The following TRAPPC9 variants were observed in gnomAD, a reference collection of about 807,000 sequenced individuals.
The protein encoded by TRAPPC9 is trafficking protein particle complex subunit 9.
In TRAPPC9, 83 loss-of-function variants were observed where a neutral mutation model predicts 124.0. The ratio of observed to expected loss-of-function variants is 0.67; its 90% CI spans 0.56 to 0.80. The LOEUF is 0.80. TRAPPC9 is among the 30% of genes least tolerant of loss of function. The probability of loss-of-function intolerance (pLI) is 0.00; values close to 1 mark genes in which losing one functional copy is unlikely to be tolerated. For synonymous variants in TRAPPC9, 638 were observed against 617.5 expected, an observed-to-expected ratio of 1.03 and a Z score of -0.49; for missense variants, 1,302 against 1,508.3, an observed-to-expected ratio of 0.86 and a Z score of 2.27.
intron 17 of TRAPPC9, among the ~76,000 whole-genome samples, chr8:140,161,994 C>T (rs1365667945): frequency 6.6e-6 from 1 of 152,152 alleles, no homozygotes; most frequent in Non-Finnish European, 1.5e-5. Context: ...AGCTGTCTTT[C>T]CCTGAAGGTG....
chr8:139,746,089 T>A (rs1448331644), intron 21 of TRAPPC9, among the ~76,000 whole-genome samples: 1 of 152,222 alleles, frequency 6.6e-6, no homozygotes, highest in Non-Finnish European at 1.5e-5. Context: ...TCTGCTGCCA[T>A]CCACAGTGCC....
intron 19 of TRAPPC9, chr8:139,933,992 C>T (rs181183493): frequency 2.6e-5 from 4 of 152,324 alleles, no homozygotes; most frequent in Admixed American, 2.6e-4. Flanking sequence ...TATAAACCTA[C>T]ATGATCGTAA....
At chr8:139,763,665 T>TGCACGCACGCGTGCACACACAC (rs1427718605) in intron 21 of TRAPPC9, among the ~76,000 whole-genome samples, 1 of 151,906 alleles carries the variant, frequency 6.6e-6, no homozygotes, top group African/African-American at 2.4e-5. Flanking sequence ...TGCACACACA[T>TGCACGCACGCGTGCACACACAC]GCACGCACGC....
Position 140,259,341 on chromosome 8 carries a change from G to A in TRAPPC9, c.2279-6412C>T, listed in dbSNP as rs372334269. On this transcript the variant is annotated intron_variant, in intron 15 of 22. Transcript: ENST00000438773. Reference sequence around the variant, plus strand: ...CACGCCTCTAGTGGAACACCATCCAGGTACCAAGCAGCTCATTCTTCCACC... The same window carrying A: ...CACGCCTCTAGTGGAACACCATCCAAGTACCAAGCAGCTCATTCTTCCACC... Among the ~76,000 whole-genome samples, 19 of 152,260 alleles carry A rather than the reference G, an allele frequency of 1.2e-4. No homozygotes were observed. The East Asian group carries it at 2.7e-3, about 22-fold the overall frequency.
At chr8:139,845,493 G>A (rs1445525263) in intron 21 of TRAPPC9, among the ~76,000 whole-genome samples, 2 of 152,244 alleles carry the variant, frequency 1.3e-5, no homozygotes, top group Admixed American at 6.5e-5. Context: ...TATTAATGGA[G>A]CCCGTACTTC....
At chr8:139,819,052 C>T (rs1369903428) in intron 21 of TRAPPC9, among the ~76,000 whole-genome samples, 5 of 152,114 alleles carry the variant, frequency 3.3e-5, no homozygotes, top group Admixed American at 3.3e-4. Context: ...GCGGGTGAAG[C>T]TTCATCTGTA....
At chr8:139,966,676 A>T (rs1835727703) in intron 19 of TRAPPC9, among the ~76,000 whole-genome samples, 1 of 152,224 alleles carries the variant, frequency 6.6e-6, no homozygotes, top group African/African-American at 2.4e-5. Context: ...TCTCAAGAGC[A>T]GGGAGAGAGC....
intron 21 of TRAPPC9, among the ~76,000 whole-genome samples, chr8:139,773,853 A>C (rs1821156072): frequency 6.6e-6 from 1 of 152,246 alleles, no homozygotes; most frequent in African/African-American, 2.4e-5. Flanking sequence ...AGAAAATTAA[A>C]ATGTCTAAAA....
intron 17 of TRAPPC9, among the ~76,000 whole-genome samples, chr8:140,082,951 T>G (rs1246910956): frequency 6.6e-6 from 1 of 152,144 alleles, no homozygotes; most frequent in East Asian, 1.9e-4. Context: ...TCCCAGCACT[T>G]TGGGTGGCCG....
chr8:139,951,032 C>T lies in TRAPPC9; in HGVS notation c.2810+37694G>A, dbSNP rs139011220. Reference sequence around the variant, plus strand: ...TGCTCACGGCTTGGAGTCAGCCAGACCCAGGCGCGCACATCCCCACCGCCA... The same window carrying T: ...TGCTCACGGCTTGGAGTCAGCCAGATCCAGGCGCGCACATCCCCACCGCCA... On this transcript the variant is annotated intron_variant, in intron 19 of 22. Transcript: ENST00000438773. Among the ~76,000 whole-genome samples the T allele has an allele frequency of 2.8e-3, 424 of 152,300 alleles. 1 individual carries two copies. Among genetic ancestry groups the T allele is most frequent in the African/African-American group, 9.2e-3 (384 of 41,554 alleles).
intron 20 of TRAPPC9, among the ~76,000 whole-genome samples, chr8:139,900,888 C>T (rs1469571881): frequency 6.6e-6 from 1 of 151,852 alleles, no homozygotes; most frequent in Non-Finnish European, 1.5e-5. Context: ...GTTCACTCTG[C>T]CCCTGGGAAA....
chr8:140,383,774 C>G (rs1384095111), intron 7 of TRAPPC9, among the ~76,000 whole-genome samples: 2 of 152,156 alleles, frequency 1.3e-5, no homozygotes, highest in Non-Finnish European at 2.9e-5. Context: ...CCCAACCTAG[C>G]AAAGCAGGCC....
intron 2 of TRAPPC9, among the ~76,000 whole-genome samples, chr8:140,450,496 GT>G (rs1169445355): frequency 3.3e-5 from 5 of 152,184 alleles, no homozygotes; most frequent in Admixed American, 1.3e-4. Context: ...TGTGGCTGCT[GT>G]ATGGGACAGA....
chr8:140,290,109 C>T (rs2065605099), intron 12 of TRAPPC9, among the ~76,000 whole-genome samples: 1 of 152,196 alleles, frequency 6.6e-6, no homozygotes, highest in Admixed American at 6.5e-5. Flanking sequence ...TCATGCACCC[C>T]AACAGAGCCT....
chr8:139,839,973 A>T (rs1826622206), intron 21 of TRAPPC9, among the ~76,000 whole-genome samples: 1 of 152,196 alleles, frequency 6.6e-6, no homozygotes, highest in Admixed American at 6.5e-5. Flanking sequence ...GGCTATTAAC[A>T]ATGACTTTAT....
intron 19 of TRAPPC9, among the ~76,000 whole-genome samples, chr8:139,946,430 T>C (rs565326032): frequency 3.9e-5 from 6 of 152,300 alleles, no homozygotes; most frequent in African/African-American, 1.4e-4. Flanking sequence ...CGCTTGAGAA[T>C]CTACACTGAC....
At chr8:140,323,196 G>A (rs928233095) in intron 9 of TRAPPC9, among the ~76,000 whole-genome samples, 4 of 152,158 alleles carry the variant, frequency 2.6e-5, no homozygotes, top group Admixed American at 6.5e-5. Flanking sequence ...TAACAGCTAG[G>A]GGCTCCTGGA....
intron 2 of TRAPPC9, among the ~76,000 whole-genome samples, chr8:140,442,129 A>G (rs1464495730): frequency 2.6e-5 from 4 of 152,200 alleles, no homozygotes; most frequent in Non-Finnish European, 4.4e-5. Flanking sequence ...AATTTCAAAA[A>G]TATTTTTCTA....
intron 19 of TRAPPC9, among the ~76,000 whole-genome samples, chr8:139,971,050 C>T (rs898811698): frequency 6.2e-4 from 94 of 152,186 alleles, no homozygotes; most frequent in African/African-American, 1.9e-3. Flanking sequence ...CCACACATCC[C>T]GGAATCCACC....
Sources: allele counts gnomAD v4.1 joint callset (sites outside exome capture counted in the v4.1 genomes callset), GRCh38; gene constraint gnomAD v4.1.1; transcripts MANE v1.5; gene names NCBI Gene and HGNC (gene_info 2026-07-23, HGNC 2026-07-21).